Variants in ATG2A observed in about 807,000 individuals in gnomAD.
The protein encoded by ATG2A is autophagy related 2A.
Under a neutral mutation model 214.2 loss-of-function variants are expected in ATG2A, and 103 were observed. That is an observed-to-expected ratio of 0.48 (90% CI 0.41 to 0.57). The LOEUF (loss-of-function observed/expected upper bound fraction) is 0.57, where lower values mean the gene tolerates loss of function less well. ATG2A is among the 20% of genes least tolerant of loss of function. The pLI, the probability that ATG2A is intolerant of heterozygous loss-of-function variation, is 0.00. For synonymous variants in ATG2A, 1,160 were observed against 1,142.1 expected, an observed-to-expected ratio of 1.02 and a Z score of -0.32; for missense variants, 2,312 against 2,613.2, an observed-to-expected ratio of 0.88 and a Z score of 2.51.
At chr11:64,896,702 C>T in intron 38 of ATG2A, 46 bp downstream of exon 38, 2 of 1,609,776 alleles carry the variant, frequency 1.2e-6, no homozygotes, top group Non-Finnish European at 1.7e-6. Context: ...TCTAGGTTGC[C>T]CAAGGGTAAA....
Position 64,903,768 on chromosome 11 carries a change from C to A in ATG2A, c.3465-108G>T. ...CCACAGGAGGTGGTATGGACAGGCC[C>A]CTCCAGCCTCAGCGTTCCTGCCTGC... On this transcript the variant is annotated intron_variant, in intron 24 of 40. Coordinates refer to ENST00000377264, the MANE Select transcript of ATG2A (RefSeq NM_015104.3). This position sits in a 1 kb window ranked among gnomAD's most constrained non-coding sequence, Gnocchi z 4.2. 9.3e-7 allele frequency: 1 copy of A among 1,080,480 alleles called. No homozygotes were observed. Among genetic ancestry groups the A allele is most frequent in the Non-Finnish European group, 1.3e-6 (1 of 760,784 alleles). 66.9% of individuals were successfully genotyped at this position (1,080,480 alleles called of 1,614,324 possible). A position where few individuals can be genotyped will look rare whatever the true frequency, so the allele number is the denominator to read the frequency against.
Position 64,909,377 on chromosome 11 carries a change from G to T in ATG2A, c.2108-10C>A, listed in dbSNP as rs776019576. The T allele has an allele frequency of 1.9e-6, 3 of 1,608,790 alleles. No individual in the cohort carries two copies. The highest frequency in any genetic ancestry group is 2.6e-6 in the Non-Finnish European group (3 of 1,176,380). On this transcript the variant is annotated splice_polypyrimidine_tract_variant and intron_variant, in intron 14 of 40. Transcript: ENST00000377264. The stretch of plus-strand genomic sequence containing the variant: ...CCATCTTCATAGATACCTGGAGGGG[G>T]ATGGGGAATTAGGGGGGTCATCACT...
At position 64,913,325 on chromosome 11, in the gene ATG2A, G is replaced by A; in HGVS notation, c.667C>T (p.Leu223=). ...PVDVHQPPAF[L]HKLLQLAGVR... ...CCTGCCAGCTGCAGCAGCTTGTGCA[G>A]GAAGGCAGGCGGCTGATGCACGTCC... is the stretch of plus-strand genomic sequence containing the variant. Residue 223 remains leucine (L), a synonymous_variant, in exon 5 of 41, where the codon CTG becomes TTG. Coordinates refer to ENST00000377264, the MANE Select transcript of ATG2A (RefSeq NM_015104.3). This position sits in a 1 kb window ranked among gnomAD's most constrained non-coding sequence, Gnocchi z 4.3. 1 of 1,608,316 alleles carries A rather than the reference G, an allele frequency of 6.2e-7. No individual in the cohort carries two copies. Among genetic ancestry groups the A allele is most frequent in the Non-Finnish European group, 8.5e-7 (1 of 1,178,420 alleles).
chr11:64,912,027 C>A, intron 8 of ATG2A, 45 bp from the exon 9 acceptor site: 1 of 1,613,460 alleles, frequency 6.2e-7, no homozygotes, highest in Non-Finnish European at 8.5e-7. Flanking sequence ...ACCCCAGCCC[C>A]TAGGCTGCTG....
In ATG2A at chr11:64,904,941, C is replaced by T. The variant is rs182253668; in HGVS notation, c.3464+622G>A. ...CGCAATCTTCGCTCACCGTAACCTCCGCCTCCCAGATTCAAGTGATTCTCC... is the reference window on the plus strand; with the variant it reads ...CGCAATCTTCGCTCACCGTAACCTCTGCCTCCCAGATTCAAGTGATTCTCC... On this transcript the variant is annotated intron_variant, in intron 24 of 40. Coordinates refer to ENST00000377264, the MANE Select transcript of ATG2A (RefSeq NM_015104.3). 2.0e-3 allele frequency among the ~76,000 whole-genome samples: 305 copies of T among 152,286 alleles called. 1 individual carries two copies. The highest frequency in any genetic ancestry group is 3.6e-3 in the Non-Finnish European group (243 of 68,020).
Position 64,912,264 on chromosome 11 carries a change from A to G in ATG2A, c.923-15T>C. On this transcript the variant is annotated splice_polypyrimidine_tract_variant and intron_variant, in intron 7 of 40. Transcript: ENST00000377264. ...GCCCTCGTGGTCTGCAGGGGAGGAG[A>G]CTTCAGTCTGGGCTGGCTGGCCCTC... 1 of 1,610,094 alleles carries G rather than the reference A, an allele frequency of 6.2e-7. No homozygotes were observed. The highest frequency in any genetic ancestry group is 8.5e-7 in the Non-Finnish European group (1 of 1,177,450).
At chr11:64,905,084 G>A (rs1338405768) in intron 24 of ATG2A, among the ~76,000 whole-genome samples, 2 of 152,028 alleles carry the variant, frequency 1.3e-5, no homozygotes, top group Admixed American at 6.6e-5. Flanking sequence ...TCGAACTCCT[G>A]ACCTTGTGAT....
intron 15 of ATG2A, 39 bp from the exon 16 acceptor site, chr11:64,909,189 C>A: frequency 6.2e-7 from 1 of 1,606,344 alleles, no homozygotes; most frequent in Non-Finnish European, 8.5e-7. Flanking sequence ...TGCAGGGCCC[C>A]CGGCACCCAG....
rs1335716207 is a variant in ATG2A, at chr11:64,907,439, G to A, written c.2648C>T (p.Ala883Val). The A allele has an allele frequency of 1.3e-6, 2 of 1,599,900 alleles. No individual in the cohort carries two copies. The highest frequency in any genetic ancestry group is 1.7e-6 in the Non-Finnish European group (2 of 1,173,296). Residue 883 changes from alanine (A) to valine (V), a missense_variant and splice_region_variant, in exon 19 of 41, where the codon GCC becomes GTC. Ala to Val is a moderately conservative substitution (Grantham distance 64). Coordinates refer to ENST00000377264, the MANE Select transcript of ATG2A (RefSeq NM_015104.3). ...FKMCKSAFKLANCFDLTPDSD... is the reference protein window; with the variant it reads ...FKMCKSAFKLVNCFDLTPDSD... Reference sequence around the variant, plus strand: ...GTCTGGGGTGAGATCAAAGCAGTTGGCTGGGAAGGAGACCGCGAAGGGCTA... The same window carrying A: ...GTCTGGGGTGAGATCAAAGCAGTTGACTGGGAAGGAGACCGCGAAGGGCTA...
intron 11 of ATG2A, 33 bp downstream of exon 11, chr11:64,910,774 C>T (rs1210666683): frequency 2.5e-6 from 4 of 1,610,484 alleles, no homozygotes; most frequent in East Asian, 4.5e-5. Flanking sequence ...ACCTCCAGAC[C>T]CCGCCTCGTA....
At chr11:64,908,013 T>A in intron 16 of ATG2A, 123 bp from the exon 17 acceptor site, 5 of 1,170,998 alleles carry the variant, frequency 4.3e-6, no homozygotes, top group Non-Finnish European at 4.8e-6. Context: ...AGCCCTTCTC[T>A]ACTGGGGATG....
At position 64,913,981 on chromosome 11, in the gene ATG2A, T is replaced by G. The variant is rs1590661099; in HGVS notation, c.488-58A>C. 1 of 1,590,952 alleles carries G rather than the reference T, an allele frequency of 6.3e-7. No individual in the cohort carries two copies. Among genetic ancestry groups the G allele is most frequent in the Admixed American group, 1.8e-5 (1 of 56,208 alleles). The stretch of plus-strand genomic sequence containing the variant: ...AGAGCAGCAAAGGGGAGGCAGAATT[T>G]CCCATCTGGGCACCAGGGTGGCCGT... On this transcript the variant is annotated intron_variant, in intron 3 of 40. Transcript: ENST00000377264. This position sits in a 1 kb window ranked among gnomAD's most constrained non-coding sequence, Gnocchi z 4.3.
chr11:64,897,302 C>T (rs658006), intron 37 of ATG2A, 110 bp downstream of exon 37: 828,669 of 1,297,758 alleles, frequency 0.64, 269,038 homozygotes, highest in Admixed American at 0.7. Flanking sequence ...AGAGGAGAAA[C>T]TGAGGCCCTG....
At position 64,906,419 on chromosome 11, in the gene ATG2A, G is replaced by A. The variant is rs754977787; in HGVS notation, c.3098C>T (p.Ala1033Val). 1.2e-6 allele frequency: 2 copies of A among 1,613,196 alleles called. No homozygotes were observed. Among genetic ancestry groups the A allele is most frequent in the Non-Finnish European group, 1.7e-6 (2 of 1,179,990 alleles). ...CCGGCCCTGGCCCTTGCGGCCCGAGGCTCCCCGCTCGGTCACCCCTTCCTC... is the reference window on the plus strand; with the variant it reads ...CCGGCCCTGGCCCTTGCGGCCCGAGACTCCCCGCTCGGTCACCCCTTCCTC... ...PSEEGVTERG[A>V]SGRKGQGRGP... Residue 1033 changes from alanine (A) to valine (V), a missense_variant, in exon 21 of 41, where the codon GCC becomes GTC. Physicochemically the swap from Ala to Val is moderately conservative, Grantham distance 64. Transcript: ENST00000377264.
intron 24 of ATG2A, among the ~76,000 whole-genome samples, chr11:64,904,436 T>C (rs1163696329): frequency 4.6e-5 from 7 of 151,862 alleles, no homozygotes; most frequent in African/African-American, 1.7e-4. Context: ...TCCCAGCTAC[T>C]TGGGAGGCTG....
chr11:64,897,771 T>A, intron 35 of ATG2A, 28 bp from the exon 36 acceptor site: 2 of 1,614,138 alleles, frequency 1.2e-6, no homozygotes, highest in Non-Finnish European at 1.7e-6. Context: ...AAGAGGGGGT[T>A]CTTTGCTCAC....
chr11:64,898,507 C>T lies in ATG2A; in HGVS notation c.4671+129G>A. ...CACAGCCCCTAGCTCTGCCCTTCTC[C>T]CAGGCTCACAAACAACCTGGGTGTT... On this transcript the variant is annotated intron_variant, in intron 32 of 40. Coordinates refer to ENST00000377264, the MANE Select transcript of ATG2A (RefSeq NM_015104.3). The surrounding 1 kb of genome is among the most constrained non-coding windows in gnomAD (Gnocchi z 4.5). The T allele has an allele frequency of 1.5e-6, 2 of 1,361,040 alleles. No homozygotes were observed. Among genetic ancestry groups the T allele is most frequent in the Non-Finnish European group, 2.0e-6 (2 of 984,634 alleles). The allele number at this position is 1,361,040 out of a possible 1,614,324, so 84.3% of individuals were successfully genotyped here.
chr11:64,901,052 C>T lies in ATG2A; in HGVS notation c.4160G>A (p.Gly1387Asp), dbSNP rs1026416214. 7 of 1,582,696 alleles carry T rather than the reference C, an allele frequency of 4.4e-6. No individual in the cohort carries two copies. The highest frequency in any genetic ancestry group is 4.0e-5 in the African/African-American group (3 of 74,118). The stretch of plus-strand genomic sequence containing the variant: ...GTAACCGTCCCTCACAACGATGGGG[C>T]CGGGATGCAGCTGTGTCACCACAGG... ...GEPVVTQLHP[G>D]PIVVRDGYFS... The change falls in exon 30 of 41, where the codon GGC (glycine) becomes GAC (aspartate). Residue 1387 changes from glycine (G) to aspartate (D), a missense_variant. Physicochemically the swap from Gly to Asp is moderately conservative, Grantham distance 94. Coordinates refer to ENST00000377264, the MANE Select transcript of ATG2A (RefSeq NM_015104.3).
rs1044189743 is a variant in ATG2A, at chr11:64,901,219, G to A, written c.4120-127C>T. On this transcript the variant is annotated intron_variant, in intron 29 of 40. Coordinates refer to ENST00000377264, the MANE Select transcript of ATG2A (RefSeq NM_015104.3). ...TTATAGACAGGGTCGGGTCATGTTCGGTCACCCAGGCTGGAGTGCAGTGGC... is the reference window on the plus strand; with the variant it reads ...TTATAGACAGGGTCGGGTCATGTTCAGTCACCCAGGCTGGAGTGCAGTGGC... 29 of 958,672 alleles carry A rather than the reference G, an allele frequency of 3.0e-5. No homozygotes were observed. In the Admixed American group the frequency reaches 6.4e-4, roughly 21 times the overall value. The allele number at this position is 958,672 out of a possible 1,614,324, so 59.4% of individuals were successfully genotyped here.
Sources: allele counts gnomAD v4.1 joint callset (sites outside exome capture counted in the v4.1 genomes callset), GRCh38; gene constraint gnomAD v4.1.1; non-coding constraint Gnocchi (gnomAD v3.1); transcripts MANE v1.5; gene names NCBI Gene and HGNC (gene_info 2026-07-23, HGNC 2026-07-21).